Variants in CADM2 observed in about 807,000 individuals in gnomAD.
CADM2 encodes the protein immunoglobulin superfamily member 4D.
A neutral mutation model predicts 49.8 loss-of-function variants in CADM2; 12 were observed. The observed-to-expected ratio is 0.24, with a 90% CI of 0.15 to 0.39. The LOEUF (loss-of-function observed/expected upper bound fraction) is 0.39, where lower values mean the gene tolerates loss of function less well. Ranked by LOEUF, CADM2 falls within the 10% of genes least tolerant of loss-of-function variation. CADM2 has a pLI of 1.00. For missense variants in CADM2, 378 were observed against 492.3 expected, an observed-to-expected ratio of 0.77 and a Z score of 2.20; for synonymous variants, 214 against 175.4, an observed-to-expected ratio of 1.22 and a Z score of -1.74.
intron 2 of CADM2, among the ~76,000 whole-genome samples, chr3:85,756,136 T>C (rs2069108364): frequency 6.6e-6 from 1 of 151,360 alleles, no homozygotes; most frequent in Non-Finnish European, 1.5e-5. Flanking sequence ...GAATCTCTTG[T>C]GACAGGAGTC....
intron 8 of CADM2, among the ~76,000 whole-genome samples, chr3:85,962,449 A>G (rs1724958119): frequency 6.6e-6 from 1 of 151,968 alleles, no homozygotes; most frequent in African/African-American, 2.4e-5. Context: ...AAGTTCCTAC[A>G]GACTTTTTCT....
chr3:85,604,659 A>G (rs1187664568), intron 1 of CADM2, among the ~76,000 whole-genome samples: 2 of 152,022 alleles, frequency 1.3e-5, no homozygotes, highest in Non-Finnish European at 2.9e-5. Context: ...ATCTCATATC[A>G]TAGCAAAGAT....
At chr3:85,252,472 G>A (rs76973861) in intron 1 of CADM2, among the ~76,000 whole-genome samples, 10,345 of 151,890 alleles carry the variant, frequency 0.068, 1,164 homozygotes, top group African/African-American at 0.23. Context: ...GATTTTAAAA[G>A]GTGATAATTA....
At chr3:85,924,347 T>C (rs1719542064) in intron 6 of CADM2, among the ~76,000 whole-genome samples, 2 of 152,084 alleles carry the variant, frequency 1.3e-5, no homozygotes, top group Admixed American at 1.3e-4. Flanking sequence ...CATAGCACTT[T>C]GGGAGGCCAA....
intron 1 of CADM2, among the ~76,000 whole-genome samples, chr3:85,492,333 T>C (rs2039708776): frequency 6.6e-6 from 1 of 152,204 alleles, no homozygotes; most frequent in African/African-American, 2.4e-5. Context: ...GGCTCATGCC[T>C]GTAATCCAAA....
intron 1 of CADM2, among the ~76,000 whole-genome samples, chr3:85,701,994 AG>A (rs2107711637): frequency 7.1e-6 from 1 of 141,786 alleles, no homozygotes; most frequent in East Asian, 1.9e-4. Context: ...ATAGATAGAT[AG>A]ATAGATAGAT....
intron 1 of CADM2, among the ~76,000 whole-genome samples, chr3:85,168,233 T>C (rs1463035325): frequency 6.6e-6 from 1 of 152,068 alleles, no homozygotes; most frequent in Non-Finnish European, 1.5e-5. Flanking sequence ...TTTTGTGCTG[T>C]TAGCAGAGAT....
intron 2 of CADM2, among the ~76,000 whole-genome samples, chr3:85,765,680 A>C (rs2069621007): frequency 1.3e-5 from 2 of 151,684 alleles, no homozygotes; most frequent in African/African-American, 2.4e-5. Flanking sequence ...TACTTCATAC[A>C]TTTTTATCAT....
chr3:85,265,401 G>T (rs1195814519), intron 1 of CADM2, among the ~76,000 whole-genome samples: 3 of 151,946 alleles, frequency 2.0e-5, no homozygotes, highest in Non-Finnish European at 4.4e-5. Flanking sequence ...TAGAGGCTGA[G>T]AAGCCCAGGG....
At chr3:85,293,404 C>T (rs1250823671) in intron 1 of CADM2, among the ~76,000 whole-genome samples, 17 of 146,628 alleles carry the variant, frequency 1.2e-4, no homozygotes, top group Middle Eastern at 3.5e-3. Context: ...TTCCAATCAA[C>T]AGAAAAAGAG....
intron 1 of CADM2, among the ~76,000 whole-genome samples, chr3:85,433,807 A>G (rs73843608): frequency 0.012 from 1,757 of 152,248 alleles, 38 homozygotes; most frequent in African/African-American, 0.04. Flanking sequence ...TGATGAATCA[A>G]AAGAGAACTT....
chr3:85,601,130 G>GTGTATGTA (rs1328015269), intron 1 of CADM2, among the ~76,000 whole-genome samples: 5 of 109,650 alleles, frequency 4.6e-5, no homozygotes, highest in South Asian at 2.9e-4. Context: ...ATATATGTGT[G>GTGTATGTA]TATATATATA....
At chr3:85,801,938 G>GT (rs1166721681) in intron 2 of CADM2, 109 bp from the exon 3 acceptor site, 1 of 879,830 alleles carries the variant, frequency 1.1e-6, no homozygotes, top group Non-Finnish European at 1.7e-6. Context: ...TCGTTGTTTG[G>GT]TTGTTTTAAA....
chr3:85,830,576 C>T (rs1356941324), intron 3 of CADM2, among the ~76,000 whole-genome samples: 6 of 151,700 alleles, frequency 4.0e-5, no homozygotes, highest in Non-Finnish European at 8.8e-5. Flanking sequence ...GCTTTGGTAT[C>T]GTATTCAAAA....
At chr3:85,504,694 T>G (rs2107671715) in intron 1 of CADM2, among the ~76,000 whole-genome samples, 1 of 152,194 alleles carries the variant, frequency 6.6e-6, no homozygotes, top group South Asian at 2.1e-4. Flanking sequence ...AGCCCTTGGG[T>G]GGTCGATGGG....
chr3:85,090,569 C>T (rs865891647), intron 1 of CADM2, among the ~76,000 whole-genome samples: 4 of 152,140 alleles, frequency 2.6e-5, no homozygotes, highest in Non-Finnish European at 4.4e-5. Flanking sequence ...TCAAACCTAG[C>T]AATTTCTGTG....
chr3:85,272,962 A>G (rs2043275621), intron 1 of CADM2, among the ~76,000 whole-genome samples: 1 of 151,284 alleles, frequency 6.6e-6, no homozygotes, highest in African/African-American at 2.4e-5. Flanking sequence ...GTTATGATGA[A>G]CAACAACAAC....
At chr3:85,607,039 A>T (rs1315124629) in intron 1 of CADM2, among the ~76,000 whole-genome samples, 2 of 152,108 alleles carry the variant, frequency 1.3e-5, no homozygotes, top group East Asian at 3.8e-4. Context: ...CAAACCTAAA[A>T]ACTGGATGCC....
chr3:85,198,045 C>A (rs577918887), intron 1 of CADM2, among the ~76,000 whole-genome samples: 1 of 151,992 alleles, frequency 6.6e-6, no homozygotes, highest in East Asian at 1.9e-4. Flanking sequence ...CCCAGTGAAG[C>A]TAATAATATG....
Sources: allele counts gnomAD v4.1 joint callset (sites outside exome capture counted in the v4.1 genomes callset), GRCh38; gene constraint gnomAD v4.1.1; transcripts MANE v1.5; gene names NCBI Gene and HGNC (gene_info 2026-07-23, HGNC 2026-07-21).